Variants in BABAM2 observed in about 807,000 individuals in gnomAD.
BABAM2 encodes BRISC and BRCA1 A complex member 2, also known as BRISC and BRCA1-A complex member 2.
In BABAM2, 31 loss-of-function variants were observed where a neutral mutation model predicts 54.7. That is an observed-to-expected ratio of 0.57 (90% CI 0.43 to 0.77). The LOEUF is 0.77. BABAM2 is among the 30% of genes least tolerant of loss of function. The pLI, the probability that BABAM2 is intolerant of heterozygous loss-of-function variation, is 0.00. For missense variants in BABAM2, 364 were observed against 455.8 expected (o/e 0.80, Z 1.83); for synonymous variants, 167 against 162.9 (o/e 1.03, Z -0.19).
intron 6 of BABAM2, among the ~76,000 whole-genome samples, chr2:28,049,909 G>A (rs1056481239): frequency 3.3e-5 from 5 of 152,192 alleles, no homozygotes; most frequent in Non-Finnish European, 5.9e-5. Flanking sequence ...GCCTGACATT[G>A]GCCAGCCGGC....
chr2:28,266,201 G>T (rs938331793), intron 10 of BABAM2, among the ~76,000 whole-genome samples: 1 of 152,164 alleles, frequency 6.6e-6, no homozygotes, highest in Non-Finnish European at 1.5e-5. Flanking sequence ...TGGCCAGGCT[G>T]GCCTTAAACA....
intron 6 of BABAM2, among the ~76,000 whole-genome samples, chr2:28,128,073 A>G (rs950024793): frequency 1.3e-5 from 2 of 152,040 alleles, no homozygotes; most frequent in East Asian, 3.9e-4. Flanking sequence ...CAGCCTCCCA[A>G]AGTGCTGGGA....
At position 28,322,017 on chromosome 2, in the gene BABAM2, G is replaced by C. The variant is rs1287341641; in HGVS notation, c.1089-16433G>C. On this transcript the variant is annotated intron_variant, in intron 11 of 11. Transcript: ENST00000379624. This position sits in a 1 kb window ranked among gnomAD's most constrained non-coding sequence, Gnocchi z 4.1. ...CAAGTCCCTGCAATTGACAGTGGTT[G>C]CATGAACTTAAGAATAATAGATCCT... Among the ~76,000 whole-genome samples, 1 of 151,984 alleles carries C rather than the reference G, an allele frequency of 6.6e-6. No homozygotes were observed. The highest frequency in any genetic ancestry group is 2.4e-5 in the African/African-American group (1 of 41,404).
chr2:28,189,199 CA>C (rs78120565), intron 7 of BABAM2, among the ~76,000 whole-genome samples: 32,333 of 136,152 alleles, frequency 0.24, 3,552 homozygotes, highest in South Asian at 0.42. Context: ...GACTCCCTCT[CA>C]AAAAAAAAAA....
At chr2:28,226,639 A>G (rs1680915222) in intron 7 of BABAM2, among the ~76,000 whole-genome samples, 1 of 152,206 alleles carries the variant, frequency 6.6e-6, no homozygotes, top group Non-Finnish European at 1.5e-5. Flanking sequence ...CTTATCTTAA[A>G]TAGATGGTTC....
At chr2:27,978,849 A>G (rs1489954194) in intron 3 of BABAM2, among the ~76,000 whole-genome samples, 1 of 151,970 alleles carries the variant, frequency 6.6e-6, no homozygotes, top group African/African-American at 2.4e-5. Context: ...GTGTCCATGT[A>G]TACTCCAATG....
chr2:28,125,532 A>G (rs1669449114), intron 6 of BABAM2, among the ~76,000 whole-genome samples: 2 of 152,150 alleles, frequency 1.3e-5, no homozygotes, highest in Non-Finnish European at 1.5e-5. Flanking sequence ...ACCTCAGGTA[A>G]TCCACCCACC....
intron 11 of BABAM2, among the ~76,000 whole-genome samples, chr2:28,333,373 G>T (rs1415217241): frequency 1.3e-5 from 2 of 152,118 alleles, no homozygotes; most frequent in Non-Finnish European, 2.9e-5. Context: ...AGGACCCTCA[G>T]TTATGGCACC....
chr2:28,121,734 T>C (rs1669085048), intron 6 of BABAM2, among the ~76,000 whole-genome samples: 1 of 152,176 alleles, frequency 6.6e-6, no homozygotes. Context: ...TTTTATTTAT[T>C]TTGTTAAATG....
intron 4 of BABAM2, among the ~76,000 whole-genome samples, chr2:28,022,378 G>T (rs564757079): frequency 6.6e-6 from 1 of 152,318 alleles, no homozygotes; most frequent in South Asian, 2.1e-4. Flanking sequence ...TTGTTTACAC[G>T]TGAATGTGAG....
At chr2:28,316,631 A>G (rs1433594134) in intron 11 of BABAM2, among the ~76,000 whole-genome samples, 1 of 152,162 alleles carries the variant, frequency 6.6e-6, no homozygotes, top group East Asian at 1.9e-4. Flanking sequence ...TTGTGGTCTG[A>G]TAACATGTCT....
In BABAM2 at chr2:28,237,224, C is replaced by G; in HGVS notation, c.703C>G (p.Leu235Val). 2 of 1,613,870 alleles carry G rather than the reference C, an allele frequency of 1.2e-6. No individual in the cohort carries two copies. The highest frequency in any genetic ancestry group is 8.5e-7 in the Non-Finnish European group (1 of 1,179,846). The change falls in exon 8 of 12, where the codon CTT becomes GTT. Residue 235 changes from leucine to valine, a missense_variant. Transcript: ENST00000379624. ...CAGTGCACTTGGAGGCTCCTCAGCT[C>G]TTCATATCCCAGCTTTTCCAGGAGG... ...IEHALGGSSA[L>V]HIPAFPGGGC...
chr2:28,327,609 C>G (rs141738658), intron 11 of BABAM2, among the ~76,000 whole-genome samples: 2 of 152,266 alleles, frequency 1.3e-5, no homozygotes, highest in African/African-American at 4.8e-5. Context: ...TTCTCACAGG[C>G]GAGGAGGCCG....
At chr2:28,066,886 T>G (rs144238931) in intron 6 of BABAM2, among the ~76,000 whole-genome samples, 64 of 152,362 alleles carry the variant, frequency 4.2e-4, no homozygotes, top group African/African-American at 1.5e-3. Flanking sequence ...GGGAATTATC[T>G]CCACCGTTTG....
At chr2:28,210,275 CT>C (rs1405068208) in intron 7 of BABAM2, among the ~76,000 whole-genome samples, 2 of 152,172 alleles carry the variant, frequency 1.3e-5, no homozygotes, top group Non-Finnish European at 2.9e-5. Flanking sequence ...GGTCCTATAA[CT>C]TGGAGAATAA....
intron 2 of BABAM2, 63 bp downstream of exon 2, chr2:27,894,747 C>T: frequency 2.5e-6 from 4 of 1,579,650 alleles, no homozygotes; most frequent in Non-Finnish European, 3.5e-6. Flanking sequence ...CTAATGACAG[C>T]CCTTCCTTAC....
chr2:28,298,433 CA>C lies in BABAM2; in HGVS notation c.1037del (p.Asn346IlefsTer44). On this transcript the variant is annotated frameshift_variant, in exon 11 of 12. Transcript: ENST00000379624. LOFTEE classifies it high-confidence loss of function. ...TNSGQLYSQA[Q>X]KNYPYSPRWD... ...CAGTGGACAGCTTTACTCCCAGGCC[CA>C]AAAAAATTATCCGTACAGCCCCAGA... 6.2e-7 allele frequency: 1 copy of C among 1,614,080 alleles called. No homozygotes were observed. The highest frequency in any genetic ancestry group is 8.5e-7 in the Non-Finnish European group (1 of 1,180,010).
intron 2 of BABAM2, among the ~76,000 whole-genome samples, chr2:27,922,156 T>C (rs1001846349): frequency 6.6e-6 from 1 of 152,226 alleles, no homozygotes; most frequent in African/African-American, 2.4e-5. Flanking sequence ...CTCTTTGATG[T>C]CATCATCTGT....
intron 11 of BABAM2, among the ~76,000 whole-genome samples, chr2:28,326,710 T>C (rs1041881540): frequency 7.2e-5 from 11 of 152,156 alleles, no homozygotes; most frequent in Admixed American, 3.3e-4. Context: ...TAGCACCAAA[T>C]TGACATTCAT....
Sources: gnomAD v4.1 joint callset for allele counts (sites outside exome capture counted in the v4.1 genomes callset) on GRCh38, gnomAD v4.1.1 for gene constraint, Gnocchi (gnomAD v3.1) non-coding constraint, MANE v1.5 for transcripts, NCBI Gene and HGNC (gene_info 2026-07-23, HGNC 2026-07-21) for gene names.